Variants in CLK3 observed in about 807,000 individuals in gnomAD.
CLK3 encodes dual specificity protein kinase CLK3.
Under a neutral mutation model 65.2 loss-of-function variants are expected in CLK3, and 24 were observed. The observed-to-expected ratio is 0.37, with a 90% CI of 0.27 to 0.52. The LOEUF (loss-of-function observed/expected upper bound fraction) is 0.52. Among genes scored for constraint, CLK3 ranks in the 20% least tolerant of loss-of-function variants. The pLI, the probability that CLK3 is intolerant of heterozygous loss-of-function variation, is 0.92. For synonymous variants in CLK3, 252 were observed against 240.8 expected, an observed-to-expected ratio of 1.05 and a Z score of -0.43; for missense variants, 506 against 660.0, an observed-to-expected ratio of 0.77 and a Z score of 2.56.
intron 1 of CLK3, among the ~76,000 whole-genome samples, chr15:74,617,903 G>A (rs1596286161): frequency 6.6e-6 from 1 of 152,228 alleles, no homozygotes; most frequent in Non-Finnish European, 1.5e-5. Flanking sequence ...CTTTTGGGGA[G>A]GTGATTTCAC....
At chr15:74,625,149 G>C in intron 6 of CLK3, 131 bp downstream of exon 6, 1 of 686,682 alleles carries the variant, frequency 1.5e-6, no homozygotes, top group Non-Finnish European at 2.6e-6. Context: ...GTGTGGCAAA[G>C]GTCTTGCTGG....
At position 74,621,265 on chromosome 15, in the gene CLK3, CTGTT is replaced by C. The variant is rs894359340; in HGVS notation, c.370-852_370-849del. 5 of 153,142 alleles carry C rather than the reference CTGTT, an allele frequency of 3.3e-5. No individual in the cohort carries two copies. The highest frequency in any genetic ancestry group is 7.3e-5 in the Non-Finnish European group (5 of 68,736). The allele number at this position is 153,142 out of a possible 1,614,324, so 9.5% of individuals were successfully genotyped here. A position where few individuals can be genotyped will look rare whatever the true frequency, so the allele number is the denominator to read the frequency against. On this transcript the variant is annotated intron_variant, in intron 3 of 12. Coordinates refer to ENST00000395066, the MANE Select transcript of CLK3 (RefSeq NM_001130028.2). This position sits in a 1 kb window ranked among gnomAD's most constrained non-coding sequence, Gnocchi z 4.8. ...GCAGTGCAGGTCTGGCTCTGTTTCT[CTGTT>C]TGGTGCCCTCTATCGATCGTCGTGA...
At chr15:74,610,970 C>T (rs893165115), upstream of CLK3, among the ~76,000 whole-genome samples, 1 of 152,216 alleles carries the variant, frequency 6.6e-6, no homozygotes, top group African/African-American at 2.4e-5. Context: ...CAGCCATCTC[C>T]CCCTCTCTGG....
chr15:74,615,179 C>T, upstream of CLK3: 1 of 376,840 alleles, frequency 2.7e-6, no homozygotes, highest in South Asian at 1.4e-4. Context: ...CCACGCAGGC[C>T]GGCAGGAAGC....
At chr15:74,614,020 ACTTT>A (rs1249591968), upstream of CLK3, among the ~76,000 whole-genome samples, 1 of 152,120 alleles carries the variant, frequency 6.6e-6, no homozygotes, top group Non-Finnish European at 1.5e-5. Context: ...GCGGCTCCTA[ACTTT>A]CTTTTTTGAG....
chr15:74,622,210 G>A lies in CLK3; in HGVS notation c.460G>A (p.Glu154Lys), dbSNP rs1256421869. Reference sequence around the variant, plus strand: ...GTGCCGGATCGGCGATTGGCTCCAAGAGCGATGTACAGCCACCTTTCGTAA... The same window carrying A: ...GTGCCGGATCGGCGATTGGCTCCAAAAGCGATGTACAGCCACCTTTCGTAA... ...LVCRIGDWLQ[E>K]RYEIVGNLGE... Residue 154 changes from glutamate to lysine, a missense_variant, in exon 4 of 13, where the codon GAG becomes AAG. This residue lies in a region of CLK3 where 325 missense variants were observed against 500.5 expected (regional missense o/e 0.65). Coordinates refer to ENST00000395066, the MANE Select transcript of CLK3 (RefSeq NM_001130028.2). The surrounding 1 kb of genome is among the most constrained non-coding windows in gnomAD (Gnocchi z 4.6). 6.2e-7 allele frequency: 1 copy of A among 1,613,342 alleles called. No homozygotes were observed.
intron 1 of CLK3, among the ~76,000 whole-genome samples, chr15:74,617,093 C>T (rs1309667237): frequency 6.6e-6 from 1 of 152,170 alleles, no homozygotes; most frequent in Non-Finnish European, 1.5e-5. Flanking sequence ...AGGAAGGATA[C>T]TCTTCTCTGT....
intron 1 of CLK3, among the ~76,000 whole-genome samples, chr15:74,618,811 C>G (rs905925268): frequency 1.3e-5 from 2 of 152,234 alleles, no homozygotes; most frequent in East Asian, 1.9e-4. Flanking sequence ...GGACCGCCCC[C>G]CCGGGCGGGA....
Position 74,622,301 on chromosome 15 carries a change from A to G in CLK3, c.466+85A>G. The G allele has an allele frequency of 7.5e-7, 1 of 1,337,924 alleles. No homozygotes were observed. The highest frequency in any genetic ancestry group is 1.1e-6 in the Non-Finnish European group (1 of 949,696). The allele number at this position is 1,337,924 out of a possible 1,614,324, so 82.9% of individuals were successfully genotyped here. A position where few individuals can be genotyped will look rare whatever the true frequency, so the allele number is the denominator to read the frequency against. On this transcript the variant is annotated intron_variant, in intron 4 of 12. Transcript: ENST00000395066. The surrounding 1 kb of genome is among the most constrained non-coding windows in gnomAD (Gnocchi z 4.6). The stretch of plus-strand genomic sequence containing the variant: ...ACCTCTCCTGCCTGGAGGGGCCTCT[A>G]GTGCGCGTGGTGCCTTAGCGGGGCC...
upstream of CLK3, chr15:74,615,025 A>C: frequency 5.7e-6 from 1 of 176,034 alleles, no homozygotes; most frequent in Non-Finnish European, 1.2e-5. Context: ...GGGCCTCGTA[A>C]TCCTGTCCGA....
Position 74,620,066 on chromosome 15 carries a change from C to A in CLK3, c.210C>A (p.Tyr70Ter), listed in dbSNP as rs1281730704. The change falls in exon 3 of 13, where the codon TAC (tyrosine) becomes TAA (stop). Residue 70 changes from tyrosine (Y) to a stop codon, truncating the protein, a stop_gained. Coordinates refer to ENST00000395066, the MANE Select transcript of CLK3 (RefSeq NM_001130028.2). LOFTEE classifies it high-confidence loss of function. ...RYRERRDSDTYRCEERSPSFG... is the reference protein window; with the variant it reads ...RYRERRDSDT ...GGGAGCGCCGTGACAGCGATACATA[C>A]CGGTGTGAAGAGCGGAGCCCATCCT... The A allele has an allele frequency of 6.2e-7, 1 of 1,614,100 alleles. No homozygotes were observed.
At chr15:74,615,735 CG>C (rs2141534159), upstream of CLK3, 1 of 1,238,672 alleles carries the variant, frequency 8.1e-7, no homozygotes, top group South Asian at 3.6e-5. Context: ...GCCTTCGAGT[CG>C]GGGGCTAGAG....
rs753217814 is a variant in CLK3 at position 74,622,468 on chromosome 15, C to T, written c.467-26C>T. The T allele has an allele frequency of 2.5e-6, 4 of 1,583,142 alleles. No homozygotes were observed. Among genetic ancestry groups the T allele is most frequent in the African/African-American group, 2.7e-5 (2 of 73,498 alleles). ...GCCAACCCCCTGCCCTCCAGATTCTCATGCCCAATTTCTTTTCTCTCCTAG... is the reference window on the plus strand; with the variant it reads ...GCCAACCCCCTGCCCTCCAGATTCTTATGCCCAATTTCTTTTCTCTCCTAG... On this transcript the variant is annotated intron_variant, in intron 4 of 12. Coordinates refer to ENST00000395066, the MANE Select transcript of CLK3 (RefSeq NM_001130028.2). This position sits in a 1 kb window ranked among gnomAD's most constrained non-coding sequence, Gnocchi z 4.6.
At chr15:74,626,413 A>G (rs1441046279) in intron 7 of CLK3, among the ~76,000 whole-genome samples, 3 of 152,256 alleles carry the variant, frequency 2.0e-5, no homozygotes, top group African/African-American at 7.2e-5. Flanking sequence ...GGCTCAGCGC[A>G]GTAGGATTTG....
rs776921104 is a variant in CLK3 at position 74,622,460 on chromosome 15, C to G, written c.467-34C>G. 1.9e-6 allele frequency: 3 copies of G among 1,558,864 alleles called. No individual in the cohort carries two copies. In the Admixed American group the frequency reaches 5.8e-5, roughly 30 times the overall value. On this transcript the variant is annotated intron_variant, in intron 4 of 12. Coordinates refer to ENST00000395066, the MANE Select transcript of CLK3 (RefSeq NM_001130028.2). The surrounding 1 kb of genome is among the most constrained non-coding windows in gnomAD (Gnocchi z 4.6). ...CAGGAGCTGCCAACCCCCTGCCCTC[C>G]AGATTCTCATGCCCAATTTCTTTTC...
At chr15:74,620,298 T>C (rs1409596742) in intron 3 of CLK3, 73 bp downstream of exon 3, 8 of 1,586,044 alleles carry the variant, frequency 5.0e-6, no homozygotes, top group Non-Finnish European at 6.9e-6. Flanking sequence ...TCAGGCTGGC[T>C]GGTCCGGGTG....
intron 1 of CLK3, among the ~76,000 whole-genome samples, chr15:74,617,547 G>T (rs1053270314): frequency 1.3e-5 from 2 of 152,238 alleles, no homozygotes; most frequent in African/African-American, 2.4e-5. Context: ...AGCTAGAAGT[G>T]GCAAGCCATG....
intron 2 of CLK3, 85 bp downstream of exon 2, chr15:74,619,433 C>CATCCCTGCCCAGCTGTCCCTGG: frequency 6.9e-7 from 1 of 1,446,084 alleles, no homozygotes; most frequent in Middle Eastern, 1.8e-4. Context: ...GAGATGACTC[C>CATCCCTGCCCAGCTGTCCCTGG]ATCCCTGCCC....
chr15:74,616,023 T>C, intron 1 of CLK3, 125 bp downstream of exon 1: 1 of 767,366 alleles, frequency 1.3e-6, no homozygotes, highest in South Asian at 6.3e-5. Flanking sequence ...CTTCGGCCCA[T>C]ATCGGGCCGC....
Sources: allele counts gnomAD v4.1 joint callset (sites outside exome capture counted in the v4.1 genomes callset), GRCh38; gene constraint gnomAD v4.1.1; regional missense constraint gnomAD v4.1.1; non-coding constraint Gnocchi (gnomAD v3.1); transcripts MANE v1.5; gene names NCBI Gene and HGNC (gene_info 2026-07-23, HGNC 2026-07-21).